UBR2: variants seen among roughly 807,000 people sequenced by gnomAD.
UBR2 encodes E3 ubiquitin-protein ligase UBR2.
Under a neutral mutation model 247.9 loss-of-function variants are expected in UBR2, and 92 were observed. The ratio of observed to expected loss-of-function variants is 0.37; its 90% CI spans 0.31 to 0.44. UBR2 has a LOEUF of 0.44. Among genes scored for constraint, UBR2 ranks in the 20% least tolerant of loss-of-function variants. The probability of loss-of-function intolerance (pLI) is 1.00; values close to 1 mark genes in which losing one functional copy is unlikely to be tolerated. For synonymous variants in UBR2, 672 were observed against 693.5 expected (o/e 0.97, Z 0.49); for missense variants, 1,613 against 2,112.6 (o/e 0.76, Z 4.64).
intron 1 of UBR2, among the ~76,000 whole-genome samples, chr6:42,565,866 T>C (rs1400494016): frequency 6.6e-6 from 1 of 152,030 alleles, no homozygotes; most frequent in Non-Finnish European, 1.5e-5. Context: ...TGCCTTGGTG[T>C]GTTTTTTTAA....
intron 22 of UBR2, among the ~76,000 whole-genome samples, chr6:42,649,388 A>T (rs936879189): frequency 1.3e-5 from 2 of 152,168 alleles, no homozygotes; most frequent in African/African-American, 4.8e-5. Context: ...ATTTTCTCTT[A>T]TAAACAAATA....
At position 42,640,977 on chromosome 6, in the gene UBR2, C is replaced by T. The variant is rs140350122; in HGVS notation, c.1921-605C>T. Among the ~76,000 whole-genome samples the T allele has an allele frequency of 4.5e-3, 681 of 152,050 alleles. 3 individuals carry two copies. The highest frequency in any genetic ancestry group is 0.014 in the African/African-American group (566 of 41,466). On this transcript the variant is annotated intron_variant, in intron 16 of 46. Transcript: ENST00000372901. Reference sequence around the variant, plus strand: ...CTCGTGATCTCAGGTGATCCACCTGCCTCAGCCTCCCAAAGTGCTGAGATT... The same window carrying T: ...CTCGTGATCTCAGGTGATCCACCTGTCTCAGCCTCCCAAAGTGCTGAGATT...
At chr6:42,626,282 C>T (rs1795344887) in intron 11 of UBR2, among the ~76,000 whole-genome samples, 1 of 152,004 alleles carries the variant, frequency 6.6e-6, no homozygotes, top group Non-Finnish European at 1.5e-5. Context: ...TGATTTAAGG[C>T]TTAGGTTTCC....
At chr6:42,641,284 C>T (rs1368196585) in intron 16 of UBR2, among the ~76,000 whole-genome samples, 1 of 151,844 alleles carries the variant, frequency 6.6e-6, no homozygotes, top group Non-Finnish European at 1.5e-5. Context: ...GCCAACATGG[C>T]GAGTCCCCAT....
At chr6:42,573,174 T>C (rs1791275450) in intron 1 of UBR2, among the ~76,000 whole-genome samples, 1 of 151,866 alleles carries the variant, frequency 6.6e-6, no homozygotes, top group South Asian at 2.1e-4. Context: ...AGAGAGAAGT[T>C]GATCAGAGAA....
chr6:42,574,046 T>C, intron 2 of UBR2, 53 bp downstream of exon 2: 1 of 1,459,364 alleles, frequency 6.9e-7, no homozygotes. Context: ...TTGACCTCTT[T>C]TTTTCCCTGG....
intron 2 of UBR2, among the ~76,000 whole-genome samples, chr6:42,590,600 A>G (rs1484795593): frequency 6.6e-6 from 1 of 152,262 alleles, no homozygotes; most frequent in Non-Finnish European, 1.5e-5. Flanking sequence ...TAGACATTGT[A>G]TGCTGGTAAA....
At chr6:42,617,167 A>C in intron 10 of UBR2, 1 of 1,383,110 alleles carries the variant, frequency 7.2e-7, no homozygotes, top group Non-Finnish European at 1.0e-6. Flanking sequence ...TTCCTCCAGC[A>C]CTGACTTTTC....
At chr6:42,586,252 A>G (rs915061498) in intron 2 of UBR2, among the ~76,000 whole-genome samples, 4 of 151,356 alleles carry the variant, frequency 2.6e-5, no homozygotes, top group Non-Finnish European at 4.4e-5. Flanking sequence ...GCACACCTGT[A>G]GTCCCAGCTA....
intron 1 of UBR2, among the ~76,000 whole-genome samples, chr6:42,568,258 A>G (rs1452327987): frequency 1.3e-5 from 2 of 152,134 alleles, no homozygotes; most frequent in Admixed American, 1.3e-4. Context: ...ATCACCCCAA[A>G]AAAGAAATCC....
intron 11 of UBR2, among the ~76,000 whole-genome samples, chr6:42,630,118 T>C (rs1218911555): frequency 1.3e-5 from 2 of 150,616 alleles, no homozygotes; most frequent in African/African-American, 4.9e-5. Flanking sequence ...GTAGCAGTAG[T>C]AGTAGTAGCA....
chr6:42,651,459 G>A (rs966664027), intron 23 of UBR2, among the ~76,000 whole-genome samples: 2 of 151,632 alleles, frequency 1.3e-5, no homozygotes, highest in Non-Finnish European at 1.5e-5. Context: ...TGATGTATCC[G>A]TTTGGGGGAG....
At position 42,626,013 on chromosome 6, in the gene UBR2, A is replaced by C. The variant is rs183947761; in HGVS notation, c.1282-6539A>C. On this transcript the variant is annotated intron_variant, in intron 11 of 46. Coordinates refer to ENST00000372901, the MANE Select transcript of UBR2 (RefSeq NM_001363705.2). ...GTATTTTTAGTAGAGCCGGGGTTTC[A>C]CCATGTTAGCCAGGATGGTCTCGAT... Among the ~76,000 whole-genome samples the C allele has an allele frequency of 1.5e-3, 224 of 151,146 alleles. 2 individuals carry two copies. The highest frequency in any genetic ancestry group is 4.7e-3 in the African/African-American group (194 of 41,130).
Position 42,661,222 on chromosome 6 carries a change from A to G in UBR2, c.3443-962A>G, listed in dbSNP as rs1211897455. ...AGAATGGCGTGAACCCAGGAAGCAG[A>G]GCTTGCAGTGAGTCGAGATCGCGCC... is the stretch of plus-strand genomic sequence containing the variant. On this transcript the variant is annotated intron_variant, in intron 30 of 46. Transcript: ENST00000372901. 2.0e-5 allele frequency among the ~76,000 whole-genome samples: 3 copies of G among 152,016 alleles called. No homozygotes were observed. In the East Asian group the frequency reaches 5.8e-4, roughly 29 times the overall value.
At chr6:42,572,397 A>G (rs1205202725) in intron 1 of UBR2, among the ~76,000 whole-genome samples, 1 of 152,100 alleles carries the variant, frequency 6.6e-6, no homozygotes, top group Non-Finnish European at 1.5e-5. Context: ...ATATACAAGT[A>G]ATAGCTAAAA....
At chr6:42,647,304 G>A (rs941593041) in intron 21 of UBR2, among the ~76,000 whole-genome samples, 6 of 151,720 alleles carry the variant, frequency 4.0e-5, no homozygotes, top group Admixed American at 1.3e-4. Flanking sequence ...ATTGTCGGCC[G>A]GGCACAGTGG....
At position 42,616,079 on chromosome 6, in the gene UBR2, C is replaced by A. The variant is rs778901899; in HGVS notation, c.1171C>A (p.Arg391=). ...DLKYKKLFAV[R]FAKNYERLQS... ...GAAATACAAGAAACTATTTGCTGTT[C>A]GATTTGCAAAAGTAAGTGGCTTTTC... Residue 391 remains arginine (R), a synonymous_variant, in exon 10 of 47, where the codon CGA becomes AGA. Coordinates refer to ENST00000372901, the MANE Select transcript of UBR2 (RefSeq NM_001363705.2). The A allele has an allele frequency of 1.0e-5, 16 of 1,603,568 alleles. No individual in the cohort carries two copies. The highest frequency in any genetic ancestry group is 1.2e-5 in the Non-Finnish European group (14 of 1,177,244).
At chr6:42,580,248 G>T (rs943447837) in intron 2 of UBR2, among the ~76,000 whole-genome samples, 2 of 152,138 alleles carry the variant, frequency 1.3e-5, no homozygotes, top group African/African-American at 2.4e-5. Flanking sequence ...AGATAATTTA[G>T]ATTTCTGTAG....
chr6:42,564,531 G>T, intron 1 of UBR2, 134 bp downstream of exon 1: 1 of 1,035,776 alleles, frequency 9.7e-7, no homozygotes, highest in South Asian at 1.7e-5. Context: ...CGCCTTGTGG[G>T]GTAATAGCCC....
Sources: gnomAD v4.1 joint callset for allele counts (sites outside exome capture counted in the v4.1 genomes callset) on GRCh38, gnomAD v4.1.1 for gene constraint, MANE v1.5 for transcripts, NCBI Gene and HGNC (gene_info 2026-07-23, HGNC 2026-07-21) for gene names.